ARMC2: variants seen among roughly 807,000 people sequenced by gnomAD.
ARMC2 encodes the protein armadillo repeat-containing protein 2.
ARMC2 carries 67 observed loss-of-function variants against 90.3 expected under a neutral mutation model. That is an observed-to-expected ratio of 0.74 (90% CI 0.61 to 0.91). ARMC2 has a LOEUF of 0.91. Ranked by LOEUF, ARMC2 falls within the 40% of genes least tolerant of loss-of-function variation. The pLI is 0.00. For synonymous variants in ARMC2, 393 were observed against 393.0 expected (o/e 1.00, Z 0.00); for missense variants, 920 against 1,030.9 (o/e 0.89, Z 1.47).
intron 4 of ARMC2, among the ~76,000 whole-genome samples, chr6:108,873,311 TTGG>T (rs1776611431): frequency 6.6e-6 from 1 of 152,180 alleles, no homozygotes; most frequent in African/African-American, 2.4e-5. Flanking sequence ...TAGGGCAGAT[TTGG>T]TGGGGTTTGT....
At chr6:108,899,143 A>G (rs572770399) in intron 6 of ARMC2, among the ~76,000 whole-genome samples, 3 of 152,284 alleles carry the variant, frequency 2.0e-5, no homozygotes, top group Admixed American at 2.0e-4. Flanking sequence ...CACCATGTCC[A>G]TAGTGGAGTT....
intron 11 of ARMC2, among the ~76,000 whole-genome samples, chr6:108,934,968 A>G (rs1270181719): frequency 1.3e-5 from 2 of 152,164 alleles, no homozygotes; most frequent in African/African-American, 4.8e-5. Context: ...GATATGTATT[A>G]TTATTGTCAT....
chr6:108,994,412 A>T, the ARMC2 span: 1 of 1,481,462 alleles, frequency 6.8e-7, no homozygotes, highest in East Asian at 2.3e-5. Context: ...TCTCTAAATA[A>T]AAAGTTGAGT....
the ARMC2 span, among the ~76,000 whole-genome samples, chr6:109,028,899 G>A: frequency 5.9e-5 from 9 of 152,272 alleles, no homozygotes; most frequent in South Asian, 4.1e-4. Flanking sequence ...ACAGGATTGC[G>A]CATGGTGCAT....
chr6:109,023,439 A>G, the ARMC2 span, among the ~76,000 whole-genome samples: 1 of 152,176 alleles, frequency 6.6e-6, no homozygotes, highest in Non-Finnish European at 1.5e-5. Context: ...AACCTCCAAA[A>G]TATGATCCAC....
chr6:108,852,797 A>G (rs1774140439), intron 1 of ARMC2, among the ~76,000 whole-genome samples: 1 of 152,216 alleles, frequency 6.6e-6, no homozygotes, highest in Non-Finnish European at 1.5e-5. Flanking sequence ...CTTCTCACTT[A>G]GTGGCATAAT....
intron 11 of ARMC2, among the ~76,000 whole-genome samples, chr6:108,931,842 T>TGC (rs1775587525): frequency 6.6e-6 from 1 of 151,658 alleles, no homozygotes; most frequent in Non-Finnish European, 1.5e-5. Flanking sequence ...CGGCTCACCA[T>TGC]AACCTCTGCC....
intron 10 of ARMC2, among the ~76,000 whole-genome samples, chr6:108,918,821 G>C (rs1774259025): frequency 6.6e-6 from 1 of 152,210 alleles, no homozygotes; most frequent in Non-Finnish European, 1.5e-5. Context: ...ACAGGGCAAG[G>C]CACATAGTAG....
chr6:108,858,175 ACT>A, intron 2 of ARMC2, 22 bp from the exon 3 acceptor site: 8 of 1,584,768 alleles, frequency 5.0e-6, no homozygotes, highest in Non-Finnish European at 6.1e-6. Context: ...ACAAACTAAC[ACT>A]CTGCACCATC....
Position 108,939,913 on chromosome 6 carries a change from G to A in ARMC2, c.1596+2914G>A, listed in dbSNP as rs138574238. Among the ~76,000 whole-genome samples the A allele has an allele frequency of 1.7e-3, 256 of 152,204 alleles. 1 individual carries two copies. Among genetic ancestry groups the A allele is most frequent in the African/African-American group, 5.9e-3 (243 of 41,510 alleles). On this transcript the variant is annotated intron_variant, in intron 12 of 17. Transcript: ENST00000392644. ...CTAACTTAACCTCTTGATACCAAAG[G>A]TCATTATTATAAGCATTAATTATTG...
chr6:108,868,690 T>C (rs1776079646), intron 3 of ARMC2, 134 bp from the exon 4 acceptor site: 1 of 725,416 alleles, frequency 1.4e-6, no homozygotes. Context: ...AGTGAGTTGG[T>C]AGAATCAGGA....
chr6:108,967,089 C>A (rs1262343165), intron 17 of ARMC2, among the ~76,000 whole-genome samples: 1 of 152,200 alleles, frequency 6.6e-6, no homozygotes, highest in African/African-American at 2.4e-5. Context: ...TGTGTTGTGT[C>A]TGCTGTTAGG....
intron 13 of ARMC2, among the ~76,000 whole-genome samples, chr6:108,954,101 A>G (rs1777392837): frequency 6.6e-6 from 1 of 152,148 alleles, no homozygotes. Flanking sequence ...AAAGTCACCA[A>G]TCCTATCATA....
At chr6:108,917,122 C>G (rs1330156884) in intron 10 of ARMC2, among the ~76,000 whole-genome samples, 1 of 152,086 alleles carries the variant, frequency 6.6e-6, no homozygotes, top group Non-Finnish European at 1.5e-5. Context: ...ACAGCCTGAC[C>G]CAGTTGATTT....
the ARMC2 span, among the ~76,000 whole-genome samples, chr6:108,997,269 G>A: frequency 6.6e-6 from 1 of 152,146 alleles, no homozygotes; most frequent in African/African-American, 2.4e-5. Context: ...AAACAATCAA[G>A]TACTTTTTTC....
chr6:108,910,979 G>A lies in ARMC2; in HGVS notation c.1104G>A (p.Leu368=). 2 of 1,580,256 alleles carry A rather than the reference G, an allele frequency of 1.3e-6. No homozygotes were observed. Among genetic ancestry groups the A allele is most frequent in the Non-Finnish European group, 1.7e-6 (2 of 1,162,234 alleles). ...GCAGGAATGAGAAGAATGATTCTTT[G>A]ATTCAAAATGACAGCATTCTGGGTG... ...KISRNEKNDS[L]IQNDSILESL... The change falls in exon 9 of 18, where the codon TTG becomes TTA. Residue 368 remains leucine, a synonymous_variant. Transcript: ENST00000392644.
rs1241941506 is a variant in ARMC2 at position 108,962,064 on chromosome 6, G to A, written c.2089G>A (p.Val697Met). Residue 697 changes from valine (V) to methionine (M), a missense_variant, in exon 15 of 18, where the codon GTG becomes ATG. By Grantham distance (21) the Val-to-Met change is conservative. Transcript: ENST00000392644. ...CAACATGGATGGAATCCTGGAGGCT[G>A]TGCGTGTTTTCGGAAATCTCTCCCA... ...SNNMDGILEA[V>M]RVFGNLSQDH... 3 of 1,613,624 alleles carry A rather than the reference G, an allele frequency of 1.9e-6. No individual in the cohort carries two copies. Among genetic ancestry groups the A allele is most frequent in the Non-Finnish European group, 2.5e-6 (3 of 1,179,784 alleles).
At chr6:109,018,253 T>C in the ARMC2 span, among the ~76,000 whole-genome samples, 1 of 152,230 alleles carries the variant, frequency 6.6e-6, no homozygotes, top group Non-Finnish European at 1.5e-5. Flanking sequence ...TTAAATTCAA[T>C]GGAGACTGCC....
the ARMC2 span, chr6:108,998,776 G>C: frequency 6.3e-7 from 1 of 1,582,498 alleles, no homozygotes; most frequent in Admixed American, 1.8e-5. Context: ...AAAAAAAAAA[G>C]AATATATTTT....
Sources: gnomAD v4.1 joint callset for allele counts (sites outside exome capture counted in the v4.1 genomes callset) on GRCh38, gnomAD v4.1.1 for gene constraint, MANE v1.5 for transcripts, NCBI Gene and HGNC (gene_info 2026-07-23, HGNC 2026-07-21) for gene names.